Variants in OR2H2 observed in about 807,000 individuals in gnomAD.
The protein encoded by OR2H2 is olfactory receptor 2H2.
For missense variants in OR2H2, 295 were observed against 313.7 expected (o/e 0.94, Z 0.45); for synonymous variants, 146 against 132.4 (o/e 1.10, Z -0.71).
At chr6:29,587,036 G>A (rs1352569994) in intron 1 of OR2H2, among the ~76,000 whole-genome samples, 1 of 152,208 alleles carries the variant, frequency 6.6e-6, no homozygotes, top group African/African-American at 2.4e-5. Flanking sequence ...AAATTGGTCA[G>A]TCATCCTACA....
rs1376247726 is a variant in OR2H2 at position 29,589,913 on chromosome 6, T to G, written c.*1030T>G. ...TTAGCCTAGCCTACCTTAAACATAC[T>G]CAGAACACTTACATTAGCCTACAGT... On this transcript the variant is annotated 3_prime_UTR_variant, in exon 2 of 2. Transcript: ENST00000641840. 1 of 152,160 alleles carries G rather than the reference T, an allele frequency of 6.6e-6. No homozygotes were observed. The highest frequency in any genetic ancestry group is 1.5e-5 in the Non-Finnish European group (1 of 68,028). 9.4% of individuals were successfully genotyped at this position (152,160 alleles called of 1,614,324 possible).
In OR2H2 at chr6:29,588,325, C is replaced by T; in HGVS notation, c.381C>T (p.Pro127=). The T allele has an allele frequency of 6.2e-7, 1 of 1,613,026 alleles. No individual in the cohort carries two copies. The change falls in exon 2 of 2, where the codon CCC becomes CCT. Residue 127 remains proline, a synonymous_variant. Transcript: ENST00000641840. The part of the protein sequence containing the change: ...AFDRYVAVCQ[P]LHYATIIHPR... ...ATCGCTACGTGGCTGTCTGCCAGCC[C>T]CTCCACTATGCCACCATCATCCACC...
In OR2H2 at chr6:29,589,119, A is replaced by G; in HGVS notation, c.*236A>G. 1.9e-6 allele frequency: 1 copy of G among 529,314 alleles called. No individual in the cohort carries two copies. Among genetic ancestry groups the G allele is most frequent in the Non-Finnish European group, 3.4e-6 (1 of 294,534 alleles). 32.8% of individuals were successfully genotyped at this position (529,314 alleles called of 1,614,324 possible). A position where few individuals can be genotyped will look rare whatever the true frequency, so the allele number is the denominator to read the frequency against. ...TCAAGTATATTTTATATTTTTTTCTACTTTAAGTCTTCGCCTCCATAGTCA... is the reference window on the plus strand; with the variant it reads ...TCAAGTATATTTTATATTTTTTTCTGCTTTAAGTCTTCGCCTCCATAGTCA... On this transcript the variant is annotated 3_prime_UTR_variant, in exon 2 of 2. Coordinates refer to ENST00000641840, the MANE Select transcript of OR2H2 (RefSeq NM_007160.4).
At position 29,585,194 on chromosome 6, in the gene OR2H2, T is replaced by A. The variant is rs1297363359; in HGVS notation, c.-432T>A. On this transcript the variant is annotated 5_prime_UTR_variant, in exon 1 of 2. Coordinates refer to ENST00000641840, the MANE Select transcript of OR2H2 (RefSeq NM_007160.4). ...AGTGCCAGATGGTCAGCATTAGCAA[T>A]CCCTATTGTGACCAGAGATGCAGTT... 6.6e-6 allele frequency: 1 copy of A among 152,218 alleles called. No individual in the cohort carries two copies. Among genetic ancestry groups the A allele is most frequent in the East Asian group, 1.9e-4 (1 of 5,202 alleles). The allele number at this position is 152,218 out of a possible 1,614,324, so 9.4% of individuals were successfully genotyped here.
Position 29,588,747 on chromosome 6 carries a change from G to A in OR2H2, c.803G>A (p.Arg268Lys). ...LQPKNPYAQE[R>K]GKFFGLFYAV... ...CCCAAAAATCCCTATGCCCAAGAGA[G>A]GGGCAAGTTCTTTGGTCTCTTCTAT... The change falls in exon 2 of 2, where the codon AGG becomes AAG. Residue 268 changes from arginine (R) to lysine (K), a missense_variant. Physicochemically the swap from Arg to Lys is conservative, Grantham distance 26. Coordinates refer to ENST00000641840, the MANE Select transcript of OR2H2 (RefSeq NM_007160.4). 7.7e-7 allele frequency: 1 copy of A among 1,294,480 alleles called. No homozygotes were observed. The allele number at this position is 1,294,480 out of a possible 1,614,324, so 80.2% of individuals were successfully genotyped here.
intron 1 of OR2H2, 98 bp from the exon 2 acceptor site, chr6:29,587,572 C>T (rs1760349431): frequency 4.7e-6 from 1 of 214,622 alleles, no homozygotes; most frequent in Non-Finnish European, 9.2e-6. Flanking sequence ...AACTCTAGAA[C>T]AGCATTCAGA....
chr6:29,586,473 A>G (rs1302905017), intron 1 of OR2H2, among the ~76,000 whole-genome samples: 1 of 149,956 alleles, frequency 6.7e-6, no homozygotes, highest in Non-Finnish European at 1.5e-5. Flanking sequence ...CCTGGGCTAT[A>G]AAACGTGACT....
rs1760355218 is a variant in OR2H2 at position 29,587,659 on chromosome 6, C to T, written c.-275-11C>T. Reference sequence around the variant, plus strand: ...TGCATATTTTAATCAGCCTCCTTTGCCCTCACCCAGGAAGTCAGAGGCACC... The same window carrying T: ...TGCATATTTTAATCAGCCTCCTTTGTCCTCACCCAGGAAGTCAGAGGCACC... On this transcript the variant is annotated splice_polypyrimidine_tract_variant and intron_variant, in intron 1 of 1. Transcript: ENST00000641840. The T allele has an allele frequency of 4.9e-6, 2 of 408,214 alleles. No individual in the cohort carries two copies. Among genetic ancestry groups the T allele is most frequent in the Non-Finnish European group, 8.7e-6 (2 of 230,464 alleles). The allele number at this position is 408,214 out of a possible 1,614,324, so 25.3% of individuals were successfully genotyped here. A position where few individuals can be genotyped will look rare whatever the true frequency, so the allele number is the denominator to read the frequency against.
Position 29,589,182 on chromosome 6 carries a change from C to A in OR2H2, c.*299C>A. 1 of 387,074 alleles carries A rather than the reference C, an allele frequency of 2.6e-6. No homozygotes were observed. The allele number at this position is 387,074 out of a possible 1,614,324, so 24.0% of individuals were successfully genotyped here. A position where few individuals can be genotyped will look rare whatever the true frequency, so the allele number is the denominator to read the frequency against. Reference sequence around the variant, plus strand: ...TATCACTTCCATTTTTAATTCCCCTCCCTTGCCATATCCCCACTATTCCTT... The same window carrying A: ...TATCACTTCCATTTTTAATTCCCCTACCTTGCCATATCCCCACTATTCCTT... On this transcript the variant is annotated 3_prime_UTR_variant, in exon 2 of 2. Coordinates refer to ENST00000641840, the MANE Select transcript of OR2H2 (RefSeq NM_007160.4).
rs371834458 is a variant in OR2H2 at position 29,587,793 on chromosome 6, G to C, written c.-152G>C. Reference sequence around the variant, plus strand: ...TGAGAAGGAGCTGCTGGATGGTGATGAGCCTTGGAAAGGGAGGCTGGGCGA... The same window carrying C: ...TGAGAAGGAGCTGCTGGATGGTGATCAGCCTTGGAAAGGGAGGCTGGGCGA... On this transcript the variant is annotated 5_prime_UTR_variant, in exon 2 of 2. The change abolishes an upstream ATG in the 5' untranslated region. Coordinates refer to ENST00000641840, the MANE Select transcript of OR2H2 (RefSeq NM_007160.4). 4.8e-6 allele frequency: 3 copies of C among 619,150 alleles called. No individual in the cohort carries two copies. Among genetic ancestry groups the C allele is most frequent in the Non-Finnish European group, 8.8e-6 (3 of 341,194 alleles). 38.4% of individuals were successfully genotyped at this position (619,150 alleles called of 1,614,324 possible).
chr6:29,586,946 T>G (rs2127357777), intron 1 of OR2H2, among the ~76,000 whole-genome samples: 1 of 152,208 alleles, frequency 6.6e-6, no homozygotes, highest in Non-Finnish European at 1.5e-5. Context: ...TCAACTGACC[T>G]TCTATGCCCC....
rs1178649448 is a variant in OR2H2, at chr6:29,589,219, C to T, written c.*336C>T. 3.5e-6 allele frequency: 1 copy of T among 289,544 alleles called. No homozygotes were observed. The highest frequency in any genetic ancestry group is 4.6e-5 in the Admixed American group (1 of 21,854). 17.9% of individuals were successfully genotyped at this position (289,544 alleles called of 1,614,324 possible). A position where few individuals can be genotyped will look rare whatever the true frequency, so the allele number is the denominator to read the frequency against. ...CCCCACTATTCCTTCACCTCCAATTCTAATTCCTACCATATCTTCTTTGCT... is the reference window on the plus strand; with the variant it reads ...CCCCACTATTCCTTCACCTCCAATTTTAATTCCTACCATATCTTCTTTGCT... On this transcript the variant is annotated 3_prime_UTR_variant, in exon 2 of 2. Coordinates refer to ENST00000641840, the MANE Select transcript of OR2H2 (RefSeq NM_007160.4).
chr6:29,588,606 G>T lies in OR2H2; in HGVS notation c.662G>T (p.Trp221Leu), dbSNP rs1481927597. The T allele has an allele frequency of 8.5e-7, 1 of 1,171,504 alleles. No individual in the cohort carries two copies. Among genetic ancestry groups the T allele is most frequent in the Non-Finnish European group, 1.3e-6 (1 of 776,910 alleles). 72.6% of individuals were successfully genotyped at this position (1,171,504 alleles called of 1,614,324 possible). Residue 221 changes from tryptophan to leucine, a missense_variant, in exon 2 of 2, where the codon TGG becomes TTG. Trp to Leu is a moderately conservative substitution (Grantham distance 61). Transcript: ENST00000641840. ...CTTGTCTCTTACGGAGCCATTACCT[G>T]GGCAGTGCTGAGGATTAACTCTGCA... is the stretch of plus-strand genomic sequence containing the variant. ...LILVSYGAIT[W>L]AVLRINSAKG...
chr6:29,590,271 A>T lies in OR2H2; in HGVS notation c.*1388A>T, dbSNP rs1760581726. ...TGCAAGACAGGATTTGAACCCAGGA[A>T]AACTGGCTCCAGACTCCTTGCTCTT... On this transcript the variant is annotated 3_prime_UTR_variant, in exon 2 of 2. Coordinates refer to ENST00000641840, the MANE Select transcript of OR2H2 (RefSeq NM_007160.4). 1 of 152,210 alleles carries T rather than the reference A, an allele frequency of 6.6e-6. No individual in the cohort carries two copies. Among genetic ancestry groups the T allele is most frequent in the South Asian group, 2.1e-4 (1 of 4,832 alleles). The allele number at this position is 152,210 out of a possible 1,614,324, so 9.4% of individuals were successfully genotyped here. A position where few individuals can be genotyped will look rare whatever the true frequency, so the allele number is the denominator to read the frequency against.
In OR2H2 at chr6:29,590,432, T is replaced by C. The variant is rs942218477; in HGVS notation, c.*1549T>C. 5.3e-5 allele frequency: 8 copies of C among 152,158 alleles called. No homozygotes were observed. The highest frequency in any genetic ancestry group is 1.5e-5 in the Non-Finnish European group (1 of 68,026). 9.4% of individuals were successfully genotyped at this position (152,158 alleles called of 1,614,324 possible). On this transcript the variant is annotated 3_prime_UTR_variant, in exon 2 of 2. Transcript: ENST00000641840. ...CCCAGCCGAAGGGGTTTCACTTCCTTAAAATAAGAGTTTTTCAAATACTTC... is the reference window on the plus strand; with the variant it reads ...CCCAGCCGAAGGGGTTTCACTTCCTCAAAATAAGAGTTTTTCAAATACTTC...
chr6:29,586,095 A>G (rs1371113611), intron 1 of OR2H2, among the ~76,000 whole-genome samples: 3 of 152,230 alleles, frequency 2.0e-5, no homozygotes, highest in Non-Finnish European at 4.4e-5. Context: ...TGTTGGTTGC[A>G]CAACTTGTGA....
intron 1 of OR2H2, 33 bp from the exon 2 acceptor site, chr6:29,587,637 A>T: frequency 2.9e-6 from 1 of 345,822 alleles, no homozygotes; most frequent in Non-Finnish European, 5.2e-6. Flanking sequence ...GAATTAGTGC[A>T]TATTTTAATC....
At position 29,588,096 on chromosome 6, in the gene OR2H2, C is replaced by A; in HGVS notation, c.152C>A (p.Pro51His). The A allele has an allele frequency of 1.0e-6, 1 of 965,688 alleles. No individual in the cohort carries two copies. The highest frequency in any genetic ancestry group is 1.7e-6 in the Non-Finnish European group (1 of 587,024). The allele number at this position is 965,688 out of a possible 1,614,324, so 59.8% of individuals were successfully genotyped here. A position where few individuals can be genotyped will look rare whatever the true frequency, so the allele number is the denominator to read the frequency against. ...TLIILLSALD[P>H]KLHSPMYFFL... The stretch of plus-strand genomic sequence containing the variant: ...ATCATCCTGCTGTCTGCGCTGGACC[C>A]CAAGCTCCACTCTCCAATGTACTTT... Residue 51 changes from proline to histidine, a missense_variant, in exon 2 of 2, where the codon CCC becomes CAC. By Grantham distance (77) the Pro-to-His change is moderately conservative (BLOSUM62 -2). Coordinates refer to ENST00000641840, the MANE Select transcript of OR2H2 (RefSeq NM_007160.4).
Position 29,589,094 on chromosome 6 carries a change from T to A in OR2H2, c.*211T>A, listed in dbSNP as rs1319618162. 2 of 555,480 alleles carry A rather than the reference T, an allele frequency of 3.6e-6. No individual in the cohort carries two copies. Among genetic ancestry groups the A allele is most frequent in the Non-Finnish European group, 6.5e-6 (2 of 308,066 alleles). 34.4% of individuals were successfully genotyped at this position (555,480 alleles called of 1,614,324 possible). On this transcript the variant is annotated 3_prime_UTR_variant, in exon 2 of 2. Coordinates refer to ENST00000641840, the MANE Select transcript of OR2H2 (RefSeq NM_007160.4). ...ATCTTTATGCGAAAAATTATAGGCA[T>A]CAAGTATATTTTATATTTTTTTCTA...
Sources: gnomAD v4.1 joint callset for allele counts (sites outside exome capture counted in the v4.1 genomes callset) on GRCh38, gnomAD v4.1.1 for gene constraint, MANE v1.5 for transcripts, NCBI Gene and HGNC (gene_info 2026-07-23, HGNC 2026-07-21) for gene names.